Variants in OR2L13 observed in about 807,000 individuals in gnomAD.
OR2L13 encodes the protein olfactory receptor 2L13.
OR2L13 carries 14 observed loss-of-function variants against 15.3 expected under a neutral mutation model. The ratio of observed to expected loss-of-function variants is 0.91; its 90% CI spans 0.60 to 1.43. The LOEUF (loss-of-function observed/expected upper bound fraction) is 1.43. Among genes scored for constraint, OR2L13 ranks in the 40% most tolerant of loss-of-function variants. The pLI is 0.00. For missense variants in OR2L13, 367 were observed against 387.9 expected, an observed-to-expected ratio of 0.95 and a Z score of 0.45; for synonymous variants, 152 against 142.9, an observed-to-expected ratio of 1.06 and a Z score of -0.45.
chr1:248,003,734 G>A, the OR2L13 span: 10 of 1,613,678 alleles, frequency 6.2e-6, no homozygotes, highest in Admixed American at 1.0e-4. Flanking sequence ...GCTTTTGAGT[G>A]CCACCATCTT....
At chr1:248,009,161 A>G in the OR2L13 span, among the ~76,000 whole-genome samples, 7 of 152,158 alleles carry the variant, frequency 4.6e-5, no homozygotes, top group South Asian at 2.1e-4. Context: ...TTCAAAAGCT[A>G]GCAAAAGACA....
chr1:248,091,093 A>G (rs1322273976), upstream of OR2L13, among the ~76,000 whole-genome samples: 1 of 152,142 alleles, frequency 6.6e-6, no homozygotes, highest in Non-Finnish European at 1.5e-5. Context: ...TCTTTTGAAA[A>G]GAGTCTACTA....
At chr1:247,944,844 G>A in the OR2L13 span, among the ~76,000 whole-genome samples, 1 of 152,090 alleles carries the variant, frequency 6.6e-6, no homozygotes, top group Non-Finnish European at 1.5e-5. Context: ...GGGATCAATG[G>A]TGGTATTTCC....
chr1:248,094,894 A>G (rs1558221290), upstream of OR2L13, among the ~76,000 whole-genome samples: 3 of 152,220 alleles, frequency 2.0e-5, no homozygotes, highest in South Asian at 2.1e-4. Flanking sequence ...CAGAATTTCC[A>G]TAAACATAAT....
At chr1:248,061,105 CTGA>C in the OR2L13 span, 3 of 1,613,840 alleles carry the variant, frequency 1.9e-6, no homozygotes, top group Non-Finnish European at 2.5e-6. Context: ...AATGTGTGTG[CTGA>C]TGATAACAGG....
At chr1:247,949,312 C>T in the OR2L13 span, 40 of 1,613,992 alleles carry the variant, frequency 2.5e-5, no homozygotes, top group East Asian at 4.5e-5. Flanking sequence ...ATCATAGGCT[C>T]GATCAATGCT....
At chr1:248,058,445 T>A in the OR2L13 span, among the ~76,000 whole-genome samples, 1 of 152,128 alleles carries the variant, frequency 6.6e-6, no homozygotes, top group African/African-American at 2.4e-5. Context: ...ACACCTTATG[T>A]CTGCACCAAG....
At chr1:248,023,876 A>T in the OR2L13 span, 2 of 152,192 alleles carry the variant, frequency 1.3e-5, no homozygotes, top group Non-Finnish European at 2.9e-5. Flanking sequence ...ACTTTCCATA[A>T]TGTAACATTT....
the OR2L13 span, chr1:248,013,597 GGAT>G: frequency 3.0e-3 from 449 of 152,170 alleles, 6 homozygotes; most frequent in African/African-American, 0.01. Flanking sequence ...TCATGTGTAG[GGAT>G]GATCAATGAA....
the OR2L13 span, among the ~76,000 whole-genome samples, chr1:247,969,589 T>G: frequency 6.6e-6 from 1 of 152,320 alleles, no homozygotes; most frequent in South Asian, 2.1e-4. Flanking sequence ...GACCTCACTT[T>G]CAAATTAGTC....
the OR2L13 span, among the ~76,000 whole-genome samples, chr1:248,027,409 T>C: frequency 6.6e-6 from 1 of 152,206 alleles, no homozygotes; most frequent in Admixed American, 6.5e-5. Flanking sequence ...TTGTGATATT[T>C]TATTACCTTG....
chr1:247,983,364 A>G, the OR2L13 span, among the ~76,000 whole-genome samples: 17 of 152,190 alleles, frequency 1.1e-4, no homozygotes, highest in Non-Finnish European at 1.9e-4. Context: ...CCTACTCACT[A>G]TGAAACCATC....
At chr1:247,983,056 G>A in the OR2L13 span, among the ~76,000 whole-genome samples, 1 of 152,020 alleles carries the variant, frequency 6.6e-6, no homozygotes. Flanking sequence ...ATATGTATAT[G>A]TGTATATCAA....
chr1:248,062,059 G>A, the OR2L13 span: 1 of 158,634 alleles, frequency 6.3e-6, no homozygotes. Flanking sequence ...GCTGTAAGAT[G>A]TTTTGTCTTT....
At chr1:248,067,437 T>C in the OR2L13 span, among the ~76,000 whole-genome samples, 8 of 152,316 alleles carry the variant, frequency 5.3e-5, no homozygotes, top group African/African-American at 1.7e-4. Flanking sequence ...ATAAAAATAT[T>C]TGGTGTAATT....
the OR2L13 span, chr1:248,063,072 A>G: frequency 3.3e-5 from 5 of 152,164 alleles, no homozygotes; most frequent in Non-Finnish European, 7.4e-5. Flanking sequence ...TGCTTTGACT[A>G]TTTGGGTTCT....
chr1:248,097,667 C>T (rs1409688919), intron 1 of OR2L13, among the ~76,000 whole-genome samples: 1 of 152,208 alleles, frequency 6.6e-6, no homozygotes, highest in Non-Finnish European at 1.5e-5. Context: ...CAAAACAACT[C>T]CAGGATGGAA....
At chr1:248,060,289 G>A in the OR2L13 span, among the ~76,000 whole-genome samples, 1 of 152,062 alleles carries the variant, frequency 6.6e-6, no homozygotes. Context: ...GGTAACAAAT[G>A]TTGGTATCAT....
chr1:248,086,039 A>G, the OR2L13 span, among the ~76,000 whole-genome samples: 3 of 152,176 alleles, frequency 2.0e-5, no homozygotes, highest in South Asian at 4.1e-4. Flanking sequence ...AAAAAATTAC[A>G]TGAGTTTTGC....
Sources: gnomAD v4.1 joint callset for allele counts (sites outside exome capture counted in the v4.1 genomes callset) on GRCh38, gnomAD v4.1.1 for gene constraint, MANE v1.5 for transcripts, NCBI Gene and HGNC (gene_info 2026-07-23, HGNC 2026-07-21) for gene names.